The following TKT variants were observed in gnomAD, a reference collection of about 807,000 sequenced individuals.
TKT encodes the protein epididymis luminal protein 107.
TKT carries 47 observed loss-of-function variants against 63.9 expected under a neutral mutation model. The observed-to-expected ratio is 0.74, with a 90% CI of 0.58 to 0.94. The LOEUF (loss-of-function observed/expected upper bound fraction) is 0.94, where lower values mean the gene tolerates loss of function less well. Ranked by LOEUF, TKT falls within the 40% of genes least tolerant of loss-of-function variation. The pLI, the probability that TKT is intolerant of heterozygous loss-of-function variation, is 0.00. For synonymous variants in TKT, 338 were observed against 334.1 expected, an observed-to-expected ratio of 1.01 and a Z score of -0.13; for missense variants, 721 against 846.2, an observed-to-expected ratio of 0.85 and a Z score of 1.84.
intron 10 of TKT, 95 bp from the exon 11 acceptor site, chr3:53,228,454 G>A (rs1559645596): frequency 1.4e-6 from 2 of 1,409,042 alleles, no homozygotes; most frequent in Non-Finnish European, 2.0e-6. Flanking sequence ...TCCCATGGGA[G>A]CGTTAGTTAC....
chr3:53,246,430 C>A (rs1017352856), intron 1 of TKT, among the ~76,000 whole-genome samples: 1 of 152,088 alleles, frequency 6.6e-6, no homozygotes, highest in Admixed American at 6.6e-5. Flanking sequence ...TAAGAATGAG[C>A]GAGCTACACT....
chr3:53,250,044 G>A (rs555860515), intron 1 of TKT, among the ~76,000 whole-genome samples: 1 of 152,350 alleles, frequency 6.6e-6, no homozygotes, highest in East Asian at 1.9e-4. Context: ...ACTAGGTGCT[G>A]TACTTCACTT....
intron 1 of TKT, among the ~76,000 whole-genome samples, chr3:53,244,296 G>A (rs1020246900): frequency 5.3e-5 from 8 of 152,190 alleles, no homozygotes; most frequent in African/African-American, 1.7e-4. Context: ...GCTCTCCCTC[G>A]GCAGAGCATC....
At chr3:53,231,225 A>C (rs1704740831) in intron 7 of TKT, 132 bp downstream of exon 7, 25 of 986,156 alleles carry the variant, frequency 2.5e-5, no homozygotes, top group Non-Finnish European at 3.7e-5. Context: ...CAGGAACAAC[A>C]CCTCAGGGAT....
chr3:53,235,364 C>T (rs954140207), intron 4 of TKT, 190 bp from the exon 5 acceptor site: 2 of 498,112 alleles, frequency 4.0e-6, no homozygotes, highest in African/African-American at 3.9e-5. Context: ...AAGCCACACC[C>T]CAAGAGAAAA....
In TKT at chr3:53,244,376, T is replaced by A. The variant is rs556859117; in HGVS notation, c.108-2134A>T. 1.4e-3 allele frequency among the ~76,000 whole-genome samples: 213 copies of A among 152,306 alleles called. 1 individual carries two copies. Among genetic ancestry groups the A allele is most frequent in the African/African-American group, 4.1e-3 (170 of 41,564 alleles). ...AACAAGTGCTTCGTCAACCCGGGGC[T>A]CAGCTTCTTCACTTGGGAGAGTGTC... is the stretch of plus-strand genomic sequence containing the variant. On this transcript the variant is annotated intron_variant, in intron 1 of 13. Coordinates refer to ENST00000462138, the MANE Select transcript of TKT (RefSeq NM_001064.4).
At chr3:53,228,516 C>T (rs1194692951) in intron 10 of TKT, among the ~76,000 whole-genome samples, 157 bp from the exon 11 acceptor site, 1 of 152,164 alleles carries the variant, frequency 6.6e-6, no homozygotes, top group Non-Finnish European at 1.5e-5. Flanking sequence ...CCTCTGCCGC[C>T]CGCACCCCAC....
At chr3:53,231,753 C>T (rs1379881902) in intron 6 of TKT, 25 of 578,478 alleles carry the variant, frequency 4.3e-5, no homozygotes, top group Admixed American at 3.9e-4. Flanking sequence ...GTGCCCACCA[C>T]TCACTGTCTA....
intron 10 of TKT, 56 bp from the exon 11 acceptor site, chr3:53,228,415 G>A: frequency 6.3e-7 from 1 of 1,584,002 alleles, no homozygotes; most frequent in Non-Finnish European, 8.6e-7. Context: ...CAACCTCAGA[G>A]ACGAGGTCTT....
chr3:53,246,144 C>T (rs757555656), intron 1 of TKT, among the ~76,000 whole-genome samples: 8 of 151,134 alleles, frequency 5.3e-5, no homozygotes, highest in African/African-American at 7.3e-5. Flanking sequence ...GGCAGGCACC[C>T]GTAATCCCAG....
intron 3 of TKT, among the ~76,000 whole-genome samples, chr3:53,240,611 A>C (rs1383069364): frequency 2.0e-5 from 3 of 152,226 alleles, no homozygotes; most frequent in Non-Finnish European, 4.4e-5. Context: ...CTCAGTTCCC[A>C]CATCACCCAC....
intron 7 of TKT, 41 bp from the exon 8 acceptor site, chr3:53,230,662 G>A (rs782592637): frequency 3.7e-6 from 6 of 1,611,206 alleles, no homozygotes; most frequent in South Asian, 1.1e-5. Context: ...CCCCTCTGAG[G>A]GTGAGTGCAC....
Position 53,255,983 on chromosome 3 carries a change from G to A in TKT, c.-41C>T. ...GACCGGGCGCACACGCGGACACACA[G>A]AGATAGCGGCTGCTCCCGCGGCGAC... On this transcript the variant is annotated 5_prime_UTR_variant, in exon 1 of 14. Transcript: ENST00000462138. 1.4e-6 allele frequency: 2 copies of A among 1,403,844 alleles called. No individual in the cohort carries two copies. The highest frequency in any genetic ancestry group is 1.9e-6 in the Non-Finnish European group (2 of 1,048,980). The allele number at this position is 1,403,844 out of a possible 1,614,324, so 87.0% of individuals were successfully genotyped here. A position where few individuals can be genotyped will look rare whatever the true frequency, so the allele number is the denominator to read the frequency against.
rs1553675101 is a variant in TKT at position 53,225,025 on chromosome 3, C to G, written c.*731G>C. 1.3e-5 allele frequency: 2 copies of G among 152,230 alleles called. No homozygotes were observed. The highest frequency in any genetic ancestry group is 4.8e-5 in the African/African-American group (2 of 41,462). 9.4% of individuals were successfully genotyped at this position (152,230 alleles called of 1,614,324 possible). On this transcript the variant is annotated 3_prime_UTR_variant, in exon 14 of 14. Transcript: ENST00000462138. The stretch of plus-strand genomic sequence containing the variant: ...GGCTGGAGCTTGGGACTGCAGAATT[C>G]TGTGTGACATCAGAAGCTCCTGGGC...
chr3:53,229,318 T>C lies in TKT; in HGVS notation c.1226A>G (p.Asn409Ser). 1 of 1,614,028 alleles carries C rather than the reference T, an allele frequency of 6.2e-7. No individual in the cohort carries two copies. The highest frequency in any genetic ancestry group is 2.2e-5 in the East Asian group (1 of 44,854). The change falls in exon 9 of 14, where the codon AAC becomes AGC. Residue 409 changes from asparagine (N) to serine (S), a missense_variant. Physicochemically the swap from Asn to Ser is conservative, Grantham distance 46. Coordinates refer to ENST00000462138, the MANE Select transcript of TKT (RefSeq NM_001064.4). ...QIRMAAISES[N>S]INLCGSHCGV... is the part of the protein sequence containing the mutation. ...GCAGTGGGAGCCGCAGAGGTTGATG[T>C]TGCTCTCGGAGATGGCGGCCATGCG...
At chr3:53,228,917 G>A in intron 10 of TKT, 90 bp downstream of exon 10, 1 of 1,549,744 alleles carries the variant, frequency 6.5e-7, no homozygotes, top group Non-Finnish European at 8.7e-7. Flanking sequence ...ACACCCCCTG[G>A]GGCAGCAAGT....
At chr3:53,240,650 G>GA (rs1194674949) in intron 3 of TKT, among the ~76,000 whole-genome samples, 1 of 152,206 alleles carries the variant, frequency 6.6e-6, no homozygotes, top group Non-Finnish European at 1.5e-5. Flanking sequence ...AGAGAATCAT[G>GA]AAAAAATTGA....
chr3:53,243,238 C>T (rs1313887886), intron 1 of TKT, among the ~76,000 whole-genome samples: 1 of 152,048 alleles, frequency 6.6e-6, no homozygotes, highest in African/African-American at 2.4e-5. Flanking sequence ...GCTGCAGGTC[C>T]TGATCAGCCC....
rs782186345 is a variant in TKT, at chr3:53,226,867, T to C, written c.1585A>G (p.Ile529Val). 3 of 1,609,542 alleles carry C rather than the reference T, an allele frequency of 1.9e-6. No homozygotes were observed. Among genetic ancestry groups the C allele is most frequent in the East Asian group, 2.2e-5 (1 of 44,792 alleles). ...ATGGTGAAGGGGTCCAGCACGCGGA[T>C]GTTGATCTTTTCTGTGAGGGAGAGC... Reference protein sequence around the residue: ...AELLKKEKINIRVLDPFTIKP... With the variant: ...AELLKKEKINVRVLDPFTIKP... Residue 529 changes from isoleucine to valine, a missense_variant, in exon 13 of 14, where the codon ATC (isoleucine) becomes GTC (valine). Ile to Val is a conservative substitution (Grantham distance 29). Transcript: ENST00000462138.
Sources: allele counts gnomAD v4.1 joint callset (sites outside exome capture counted in the v4.1 genomes callset), GRCh38; gene constraint gnomAD v4.1.1; transcripts MANE v1.5; gene names NCBI Gene and HGNC (gene_info 2026-07-23, HGNC 2026-07-21).